The following HSD17B2 variants were observed in gnomAD, a reference collection of about 807,000 sequenced individuals.
HSD17B2 encodes the protein hydroxysteroid 17-beta dehydrogenase 2, also known as 17-beta-hydroxysteroid dehydrogenase type 2.
Under a neutral mutation model 26.9 loss-of-function variants are expected in HSD17B2, and 32 were observed. That is an observed-to-expected ratio of 1.19 (90% CI 0.90 to 1.60). The LOEUF (loss-of-function observed/expected upper bound fraction) is 1.60, where lower values mean the gene tolerates loss of function less well. HSD17B2 is among the 40% of genes most tolerant of loss of function. HSD17B2 has a pLI of 0.00. For synonymous variants in HSD17B2, 246 were observed against 186.7 expected, an observed-to-expected ratio of 1.32 and a Z score of -2.59; for missense variants, 613 against 468.6, an observed-to-expected ratio of 1.31 and a Z score of -2.85.
chr16:82,057,343 C>T (rs962368098), intron 1 of HSD17B2, among the ~76,000 whole-genome samples: 4 of 151,916 alleles, frequency 2.6e-5, no homozygotes, highest in Admixed American at 2.0e-4. Context: ...GGACTACAGG[C>T]GCGCACCAAC....
chr16:82,063,674 A>G (rs1914504596), intron 1 of HSD17B2, among the ~76,000 whole-genome samples: 1 of 152,216 alleles, frequency 6.6e-6, no homozygotes, highest in South Asian at 2.1e-4. Context: ...TGCTTTGCTA[A>G]AGAGGCATAA....
intron 1 of HSD17B2, among the ~76,000 whole-genome samples, chr16:82,043,779 C>A (rs1245607668): frequency 6.7e-6 from 1 of 149,800 alleles, no homozygotes; most frequent in Admixed American, 6.7e-5. Flanking sequence ...TTTTCAGGAT[C>A]ATCCCATTTC....
At chr16:82,091,635 G>A (rs1180232858) in intron 4 of HSD17B2, 3 of 157,696 alleles carry the variant, frequency 1.9e-5, no homozygotes, top group African/African-American at 4.8e-5. Context: ...AGGCATTTTA[G>A]GGAGGGGCTG....
chr16:82,046,063 G>A (rs147736432), intron 1 of HSD17B2, among the ~76,000 whole-genome samples: 52 of 152,360 alleles, frequency 3.4e-4, no homozygotes, highest in Non-Finnish European at 4.8e-4. Context: ...AGCGAAGGGT[G>A]CTGACTGGGA....
At chr16:82,092,350 C>T (rs1904718838) in intron 4 of HSD17B2, 1 of 152,150 alleles carries the variant, frequency 6.6e-6, no homozygotes, top group South Asian at 2.1e-4. Context: ...GCAGCCTACC[C>T]CAAGGCTCAG....
chr16:82,088,506 GT>G (rs1396297865), intron 3 of HSD17B2, among the ~76,000 whole-genome samples: 1 of 152,202 alleles, frequency 6.6e-6, no homozygotes, highest in Non-Finnish European at 1.5e-5. Context: ...TGCAGTCAGT[GT>G]TGGCTCCTCT....
intron 1 of HSD17B2, among the ~76,000 whole-genome samples, chr16:82,062,405 C>A (rs75930182): frequency 6.6e-6 from 1 of 152,196 alleles, no homozygotes; most frequent in South Asian, 2.1e-4. Context: ...AAAGGACCCT[C>A]TCTCAGTTTG....
chr16:82,089,708 C>T (rs1367031569), intron 3 of HSD17B2, among the ~76,000 whole-genome samples: 1 of 152,154 alleles, frequency 6.6e-6, no homozygotes, highest in Non-Finnish European at 1.5e-5. Context: ...CTATTGGTGG[C>T]CCTAGGTGTG....
intron 3 of HSD17B2, among the ~76,000 whole-genome samples, chr16:82,089,038 T>A (rs1426324137): frequency 6.6e-6 from 1 of 152,114 alleles, no homozygotes; most frequent in East Asian, 1.9e-4. Context: ...CAGGACTTAA[T>A]TACCTTCCAA....
At chr16:82,060,433 G>A (rs925999129) in intron 1 of HSD17B2, among the ~76,000 whole-genome samples, 1 of 152,144 alleles carries the variant, frequency 6.6e-6, no homozygotes, top group Non-Finnish European at 1.5e-5. Flanking sequence ...CCCCATCAGA[G>A]GGGGAGCCCC....
chr16:82,098,448 C>T lies in HSD17B2; in HGVS notation c.*12C>T. 6.4e-7 allele frequency: 1 copy of T among 1,574,022 alleles called. No individual in the cohort carries two copies. Among genetic ancestry groups the T allele is most frequent in the Non-Finnish European group, 8.6e-7 (1 of 1,162,840 alleles). On this transcript the variant is annotated 3_prime_UTR_variant, in exon 5 of 5. Transcript: ENST00000199936. ...AAAAGGCCACCTAGGCAATGGAAGC[C>T]CTCAAAGAAGTCGGAATGTCATAGT...
chr16:82,051,851 A>G (rs1914118386), intron 1 of HSD17B2, among the ~76,000 whole-genome samples: 2 of 152,346 alleles, frequency 1.3e-5, no homozygotes, highest in East Asian at 3.9e-4. Flanking sequence ...GCCTCAGATT[A>G]CTAATCTGTA....
chr16:82,043,079 TGG>T (rs1228269121), intron 1 of HSD17B2, among the ~76,000 whole-genome samples: 1 of 152,232 alleles, frequency 6.6e-6, no homozygotes, highest in Non-Finnish European at 1.5e-5. Flanking sequence ...ATCATTTCTG[TGG>T]GTTACTTTGC....
chr16:82,037,673 G>A (rs1466555956), intron 1 of HSD17B2, among the ~76,000 whole-genome samples: 1 of 152,036 alleles, frequency 6.6e-6, no homozygotes, highest in Non-Finnish European at 1.5e-5. Context: ...AATATCAAAA[G>A]CAACAAAAAG....
chr16:82,054,307 C>T (rs1272553207), intron 1 of HSD17B2, among the ~76,000 whole-genome samples: 2 of 151,824 alleles, frequency 1.3e-5, no homozygotes, highest in Non-Finnish European at 2.9e-5. Context: ...TCTGTCATCA[C>T]AGACATTGTA....
At chr16:82,060,465 A>G (rs8191111) in intron 1 of HSD17B2, among the ~76,000 whole-genome samples, 3 of 152,190 alleles carry the variant, frequency 2.0e-5, no homozygotes, top group Non-Finnish European at 2.9e-5. Flanking sequence ...GCCTCAGCTG[A>G]TGGGTCCCTT....
At chr16:82,077,053 G>A (rs1904306140) in intron 3 of HSD17B2, among the ~76,000 whole-genome samples, 1 of 152,188 alleles carries the variant, frequency 6.6e-6, no homozygotes, top group Non-Finnish European at 1.5e-5. Context: ...CATGTCCATA[G>A]GTTGGAAAAA....
intron 1 of HSD17B2, among the ~76,000 whole-genome samples, chr16:82,036,260 A>G (rs1459224896): frequency 6.6e-6 from 1 of 151,600 alleles, no homozygotes. Flanking sequence ...AATTGGACCA[A>G]CTTGGCATCG....
intron 3 of HSD17B2, among the ~76,000 whole-genome samples, chr16:82,088,161 C>G (rs183921854): frequency 6.6e-6 from 1 of 152,238 alleles, no homozygotes; most frequent in East Asian, 1.9e-4. Flanking sequence ...TTCAGTGGGT[C>G]CAGGGTGGCT....
Sources: gnomAD v4.1 joint callset for allele counts (sites outside exome capture counted in the v4.1 genomes callset) on GRCh38, gnomAD v4.1.1 for gene constraint, MANE v1.5 for transcripts, NCBI Gene and HGNC (gene_info 2026-07-23, HGNC 2026-07-21) for gene names.